CALCOCO2: variants seen among roughly 807,000 people sequenced by gnomAD.
CALCOCO2 encodes the protein calcium-binding and coiled-coil domain-containing protein 2.
CALCOCO2 carries 42 observed loss-of-function variants against 62.5 expected under a neutral mutation model. That is an observed-to-expected ratio of 0.67 (90% CI 0.53 to 0.87). CALCOCO2 has a LOEUF of 0.87. Among genes scored for constraint, CALCOCO2 ranks in the 40% least tolerant of loss-of-function variants. CALCOCO2 has a pLI of 0.00. For synonymous variants in CALCOCO2, 167 were observed against 173.0 expected (o/e 0.97, Z 0.27); for missense variants, 456 against 515.0 (o/e 0.89, Z 1.11).
chr17:48,862,512 T>G (rs1480208588), intron 12 of CALCOCO2, among the ~76,000 whole-genome samples: 4 of 152,186 alleles, frequency 2.6e-5, no homozygotes, highest in Non-Finnish European at 5.9e-5. Flanking sequence ...TTGCTTAGGA[T>G]CTATACCTTT....
chr17:48,852,674 A>G (rs1567756513), intron 8 of CALCOCO2, 46 bp downstream of exon 8: 1 of 1,567,580 alleles, frequency 6.4e-7, no homozygotes, highest in East Asian at 2.2e-5. Context: ...TTGCAAGAAA[A>G]TATACGTTGT....
chr17:48,846,055 C>A, intron 2 of CALCOCO2: 1 of 1,485,744 alleles, frequency 6.7e-7, no homozygotes. Context: ...TCAGACTATT[C>A]AACTCCTCAT....
At chr17:48,834,106 C>CAAAAAAAA (rs59633969) in intron 1 of CALCOCO2, among the ~76,000 whole-genome samples, 2 of 69,816 alleles carry the variant, frequency 2.9e-5, no homozygotes, top group African/African-American at 4.7e-5. Flanking sequence ...GACCCTATGT[C>CAAAAAAAA]AAAAAAAAAA....
intron 10 of CALCOCO2, among the ~76,000 whole-genome samples, chr17:48,856,778 C>CTTTTTTTTTTTTTTTTTTTTT (rs549613504): frequency 7.2e-6 from 1 of 139,000 alleles, no homozygotes. Flanking sequence ...TCTTTCTTTT[C>CTTTTTTTTTTTTTTTTTTTTT]TTTTTTTTTT....
At chr17:48,848,699 C>A in intron 4 of CALCOCO2, 1 of 591,566 alleles carries the variant, frequency 1.7e-6, no homozygotes, top group Non-Finnish European at 3.1e-6. Flanking sequence ...ATTCTTTTAA[C>A]TTTCCAATTG....
chr17:48,851,415 G>A (rs1409489717), intron 6 of CALCOCO2, 144 bp from the exon 7 acceptor site: 1 of 638,768 alleles, frequency 1.6e-6, no homozygotes, highest in Non-Finnish European at 2.8e-6. Flanking sequence ...GAGTCAGGAA[G>A]CCAAAACAGG....
rs918341596 is a variant in CALCOCO2, at chr17:48,853,088, C to T, written c.912+76C>T. The T allele has an allele frequency of 4.1e-5, 39 of 958,990 alleles. No homozygotes were observed. In the South Asian group the frequency reaches 4.3e-4, roughly 11 times the overall value. 59.4% of individuals were successfully genotyped at this position (958,990 alleles called of 1,614,324 possible). Reference sequence around the variant, plus strand: ...AAGAAAAGGATATGGGCCTATTTTCCGGTTGATGGACAGGATAAATAAGAG... The same window carrying T: ...AAGAAAAGGATATGGGCCTATTTTCTGGTTGATGGACAGGATAAATAAGAG... On this transcript the variant is annotated intron_variant, in intron 9 of 12. Transcript: ENST00000258947.
Position 48,864,418 on chromosome 17 carries a change from T to A in CALCOCO2, c.*1413T>A, listed in dbSNP as rs529701801. On this transcript the variant is annotated 3_prime_UTR_variant, in exon 13 of 13. Coordinates refer to ENST00000258947, the MANE Select transcript of CALCOCO2 (RefSeq NM_005831.5). ...CATGCATTTTTTTTAAAAGGAGCAG[T>A]GTGGATTTTCGCACCCTTTGTGAAC... 6.5e-6 allele frequency: 1 copy of A among 154,440 alleles called. No individual in the cohort carries two copies. The highest frequency in any genetic ancestry group is 2.0e-4 in the South Asian group (1 of 4,916). 9.6% of individuals were successfully genotyped at this position (154,440 alleles called of 1,614,324 possible).
At chr17:48,850,286 A>G (rs572386666) in intron 5 of CALCOCO2, among the ~76,000 whole-genome samples, 8 of 151,714 alleles carry the variant, frequency 5.3e-5, no homozygotes, top group African/African-American at 1.7e-4. Context: ...GCAACAGAGC[A>G]AGACTCTGTC....
chr17:48,851,890 G>T (rs1230179804), intron 7 of CALCOCO2, among the ~76,000 whole-genome samples: 2 of 151,800 alleles, frequency 1.3e-5, no homozygotes, highest in Non-Finnish European at 2.9e-5. Flanking sequence ...CCAGCACTTT[G>T]GGAGGCCAAG....
intron 1 of CALCOCO2, among the ~76,000 whole-genome samples, chr17:48,836,045 ACGGC>A (rs1168684735): frequency 6.6e-6 from 1 of 152,080 alleles, no homozygotes; most frequent in Non-Finnish European, 1.5e-5. Context: ...GCCACGGCAC[ACGGC>A]CAGATTGGTT....
chr17:48,860,573 G>A, intron 11 of CALCOCO2, 124 bp downstream of exon 11: 1 of 763,158 alleles, frequency 1.3e-6, no homozygotes, highest in Non-Finnish European at 2.1e-6. Context: ...GGCAGAAGCT[G>A]AGGACCCAGT....
chr17:48,857,497 C>CTTTTTTTTTTTTTTTT (rs59318856), intron 10 of CALCOCO2, among the ~76,000 whole-genome samples: 1,862 of 38,396 alleles, frequency 0.048, 491 homozygotes, highest in Admixed American at 0.071. Context: ...GCACCCGGCC[C>CTTTTTTTTTTTTTTTT]TTTTTTTTTT....
At position 48,863,194 on chromosome 17, in the gene CALCOCO2, T is replaced by C. The variant is rs551604431; in HGVS notation, c.*189T>C. ...TGTTAAGGGCTTCTGCTGCCATCCTTGTGGGTTGCTACCTTTAAGTCGCAT... is the reference window on the plus strand; with the variant it reads ...TGTTAAGGGCTTCTGCTGCCATCCTCGTGGGTTGCTACCTTTAAGTCGCAT... On this transcript the variant is annotated 3_prime_UTR_variant, in exon 13 of 13. Transcript: ENST00000258947. 5.7e-4 allele frequency: 321 copies of C among 559,134 alleles called. 2 individuals carry two copies. The South Asian group carries it at 6.0e-3, about 11-fold the overall frequency. 34.6% of individuals were successfully genotyped at this position (559,134 alleles called of 1,614,324 possible). A position where few individuals can be genotyped will look rare whatever the true frequency, so the allele number is the denominator to read the frequency against.
At chr17:48,851,821 C>T in intron 7 of CALCOCO2, 193 bp downstream of exon 7, 1 of 486,490 alleles carries the variant, frequency 2.1e-6, no homozygotes, top group Non-Finnish European at 3.7e-6. Context: ...CATGCCCCTG[C>T]TTTTAAAAAA....
intron 6 of CALCOCO2, 103 bp from the exon 7 acceptor site, chr17:48,851,456 A>T: frequency 1.4e-6 from 1 of 738,538 alleles, no homozygotes; most frequent in South Asian, 1.5e-5. Flanking sequence ...ATTTTTAAAT[A>T]ATTCTGCAGG....
chr17:48,833,108 G>A (rs1468656577), intron 1 of CALCOCO2, among the ~76,000 whole-genome samples: 1 of 152,178 alleles, frequency 6.6e-6, no homozygotes, highest in Non-Finnish European at 1.5e-5. Flanking sequence ...CTTTGCTTTT[G>A]CTACCTGTTT....
chr17:48,851,846 T>G, intron 7 of CALCOCO2: 1 of 466,372 alleles, frequency 2.1e-6, no homozygotes, highest in Non-Finnish European at 3.8e-6. Flanking sequence ...AAATCATGAT[T>G]CACAGCCGGG....
chr17:48,859,601 TA>T (rs1407079002), intron 10 of CALCOCO2, among the ~76,000 whole-genome samples: 1 of 151,164 alleles, frequency 6.6e-6, no homozygotes, highest in African/African-American at 2.4e-5. Context: ...ACCCTGTCTC[TA>T]AAAAAAACAA....
Sources: allele counts gnomAD v4.1 joint callset (sites outside exome capture counted in the v4.1 genomes callset), GRCh38; gene constraint gnomAD v4.1.1; transcripts MANE v1.5; gene names NCBI Gene and HGNC (gene_info 2026-07-23, HGNC 2026-07-21).